Variants in EPHA6 observed in about 807,000 individuals in gnomAD.
EPHA6 encodes EPH receptor A6, also known as ephrin type-A receptor 6.
A neutral mutation model predicts 112.0 loss-of-function variants in EPHA6; 50 were observed. The observed-to-expected ratio is 0.45, with a 90% CI of 0.36 to 0.56. The LOEUF (loss-of-function observed/expected upper bound fraction) is 0.56. Among genes scored for constraint, EPHA6 ranks in the 20% least tolerant of loss-of-function variants. The pLI is 0.00. For missense variants in EPHA6, 1,280 were observed against 1,417.4 expected, an observed-to-expected ratio of 0.90 and a Z score of 1.56; for synonymous variants, 529 against 490.7, an observed-to-expected ratio of 1.08 and a Z score of -1.03.
chr3:97,614,176 A>C (rs1485391884), intron 13 of EPHA6, among the ~76,000 whole-genome samples: 2 of 152,066 alleles, frequency 1.3e-5, no homozygotes, highest in African/African-American at 2.4e-5. Flanking sequence ...TAACTTTGAA[A>C]TGCCACATGT....
At chr3:97,468,249 T>A (rs2091120158) in intron 7 of EPHA6, among the ~76,000 whole-genome samples, 1 of 151,710 alleles carries the variant, frequency 6.6e-6, no homozygotes, top group East Asian at 1.9e-4. Flanking sequence ...CTTACTTGAA[T>A]GGAAAAAAGA....
intron 5 of EPHA6, among the ~76,000 whole-genome samples, chr3:97,251,290 GGAGGCCGAGGCAGGCGGATCAC>G (rs1390501798): frequency 6.6e-6 from 1 of 152,080 alleles, no homozygotes; most frequent in Non-Finnish European, 1.5e-5. Context: ...CAGCACTTTG[GGAGGCCGAGGCAGGCGGATCAC>G]GAGGTCAGGA....
chr3:97,530,277 T>C (rs1389208867), intron 10 of EPHA6, among the ~76,000 whole-genome samples: 2 of 151,966 alleles, frequency 1.3e-5, no homozygotes, highest in Non-Finnish European at 2.9e-5. Flanking sequence ...TTCCTATCAA[T>C]TGGCACTTTT....
At chr3:97,515,870 T>G (rs1429540652) in intron 10 of EPHA6, among the ~76,000 whole-genome samples, 1 of 151,962 alleles carries the variant, frequency 6.6e-6, no homozygotes, top group South Asian at 2.1e-4. Flanking sequence ...TATGTGTGAT[T>G]TGAAAAAAAA....
At chr3:96,922,292 A>G (rs1291414029) in intron 2 of EPHA6, among the ~76,000 whole-genome samples, 1 of 152,230 alleles carries the variant, frequency 6.6e-6, no homozygotes, top group Non-Finnish European at 1.5e-5. Context: ...ACTGTTTTTC[A>G]GAACTTAAAA....
At chr3:97,436,281 C>T (rs2089829482) in intron 6 of EPHA6, among the ~76,000 whole-genome samples, 1 of 152,082 alleles carries the variant, frequency 6.6e-6, no homozygotes, top group Non-Finnish European at 1.5e-5. Context: ...GGAGGAGAAA[C>T]TGGATTTCTT....
At chr3:97,188,042 T>A (rs2077202620) in intron 3 of EPHA6, among the ~76,000 whole-genome samples, 1 of 152,118 alleles carries the variant, frequency 6.6e-6, no homozygotes, top group Non-Finnish European at 1.5e-5. Flanking sequence ...AACTATAAAT[T>A]GACATAATCC....
At chr3:97,515,955 A>C (rs1318155980) in intron 10 of EPHA6, among the ~76,000 whole-genome samples, 6 of 151,976 alleles carry the variant, frequency 3.9e-5, no homozygotes, top group East Asian at 1.9e-4. Context: ...AAAAAAAAAA[A>C]CACCTCATTC....
chr3:97,479,430 A>G, intron 9 of EPHA6, 66 bp downstream of exon 9: 1 of 1,106,928 alleles, frequency 9.0e-7, no homozygotes, highest in Non-Finnish European at 1.3e-6. Context: ...GTTCATTCAA[A>G]CTGTATCTAT....
intron 3 of EPHA6, among the ~76,000 whole-genome samples, chr3:97,200,273 G>T (rs191008273): frequency 6.6e-6 from 1 of 151,952 alleles, no homozygotes; most frequent in African/African-American, 2.4e-5. Context: ...CTCCTTCCTG[G>T]GTCAGTGCTG....
intron 5 of EPHA6, among the ~76,000 whole-genome samples, chr3:97,357,610 T>C (rs964665255): frequency 6.6e-6 from 1 of 152,198 alleles, no homozygotes; most frequent in Non-Finnish European, 1.5e-5. Flanking sequence ...GGATTTTTAG[T>C]TGACCCTTGA....
intron 7 of EPHA6, among the ~76,000 whole-genome samples, chr3:97,473,358 A>C (rs941128410): frequency 1.3e-5 from 2 of 151,836 alleles, no homozygotes; most frequent in African/African-American, 4.8e-5. Context: ...CAAAGTTTAT[A>C]AATGTAATAA....
chr3:97,665,707 T>G (rs554658283), intron 14 of EPHA6, among the ~76,000 whole-genome samples: 3 of 152,330 alleles, frequency 2.0e-5, no homozygotes, highest in South Asian at 4.1e-4. Flanking sequence ...ACACACATCT[T>G]CCACATGTCT....
intron 2 of EPHA6, among the ~76,000 whole-genome samples, chr3:96,920,404 A>T (rs2039697027): frequency 6.6e-6 from 1 of 151,982 alleles, no homozygotes; most frequent in Admixed American, 6.6e-5. Context: ...TATTAAACAA[A>T]ATGAAAACCT....
At chr3:97,585,457 A>G (rs2093479041) in intron 11 of EPHA6, among the ~76,000 whole-genome samples, 2 of 152,226 alleles carry the variant, frequency 1.3e-5, no homozygotes, top group Admixed American at 6.5e-5. Context: ...ACTCAGGGAA[A>G]AAATGAACAT....
intron 3 of EPHA6, among the ~76,000 whole-genome samples, chr3:97,143,751 A>C (rs2075968503): frequency 6.6e-6 from 1 of 151,698 alleles, no homozygotes. Flanking sequence ...TCCCATCACC[A>C]ATAAGTTTTG....
intron 4 of EPHA6, among the ~76,000 whole-genome samples, chr3:97,240,708 A>G (rs886223160): frequency 6.6e-6 from 1 of 151,856 alleles, no homozygotes; most frequent in Non-Finnish European, 1.5e-5. Flanking sequence ...ACTTTATTTA[A>G]GCATGTTCTG....
rs573452470 is a variant in EPHA6, at chr3:97,145,410, C to A, written c.1115-80854C>A. Among the ~76,000 whole-genome samples the A allele has an allele frequency of 2.0e-5, 3 of 151,194 alleles. No homozygotes were observed. The South Asian group carries it at 6.2e-4, about 31-fold the overall frequency. ...TTTAAATCAGGAATATTTTTAATAT[C>A]CAAAATGTATCTTTAAACTTTTTAG... On this transcript the variant is annotated intron_variant, in intron 3 of 17. Transcript: ENST00000389672.
intron 5 of EPHA6, among the ~76,000 whole-genome samples, chr3:97,345,242 G>A (rs993840044): frequency 1.3e-5 from 2 of 152,124 alleles, no homozygotes; most frequent in Non-Finnish European, 2.9e-5. Flanking sequence ...CTGCTTAGAG[G>A]ATGTTTTGAT....
Sources: gnomAD v4.1 joint callset for allele counts (sites outside exome capture counted in the v4.1 genomes callset) on GRCh38, gnomAD v4.1.1 for gene constraint, MANE v1.5 for transcripts, NCBI Gene and HGNC (gene_info 2026-07-23, HGNC 2026-07-21) for gene names.